Variants in CPEB3 observed in about 807,000 individuals in gnomAD.
The protein encoded by CPEB3 is cytoplasmic polyadenylation element-binding protein 3.
In CPEB3, 20 loss-of-function variants were observed where a neutral mutation model predicts 67.2. That is an observed-to-expected ratio of 0.30 (90% CI 0.21 to 0.43). CPEB3 has a LOEUF of 0.43. Among genes scored for constraint, CPEB3 ranks in the 20% least tolerant of loss-of-function variants. CPEB3 has a pLI of 1.00. For missense variants in CPEB3, 746 were observed against 968.6 expected (o/e 0.77, Z 3.05); for synonymous variants, 376 against 393.1 (o/e 0.96, Z 0.51).
At chr10:92,207,191 C>T (rs1031502103) in intron 2 of CPEB3, among the ~76,000 whole-genome samples, 1 of 152,120 alleles carries the variant, frequency 6.6e-6, no homozygotes, top group South Asian at 2.1e-4. Context: ...CCATGTTGCT[C>T]AGGCTGGTCT....
chr10:92,221,739 A>C (rs973036618), intron 2 of CPEB3, among the ~76,000 whole-genome samples: 1 of 152,120 alleles, frequency 6.6e-6, no homozygotes, highest in African/African-American at 2.4e-5. Context: ...TCCCAGCTAC[A>C]CAGAAGGCTG....
intron 1 of CPEB3, among the ~76,000 whole-genome samples, chr10:92,278,247 G>T (rs142708936): frequency 3.9e-5 from 6 of 152,152 alleles, no homozygotes; most frequent in African/African-American, 7.2e-5. Flanking sequence ...CAAATTTTAG[G>T]ATTAGATTGT....
intron 2 of CPEB3, among the ~76,000 whole-genome samples, chr10:92,214,833 C>T (rs1018696421): frequency 5.9e-5 from 9 of 151,632 alleles, no homozygotes; most frequent in African/African-American, 1.9e-4. Context: ...GCATTCCTAA[C>T]ATCAGTAAAA....
Position 92,207,989 on chromosome 10 carries a change from T to C in CPEB3, c.1006-15353A>G, listed in dbSNP as rs376954156. On this transcript the variant is annotated intron_variant, in intron 2 of 9. Transcript: ENST00000265997. ...CCAAAAATATTTGATAGTCCTGTTG[T>C]TGGCTTAACAAGAGGAGAAAGGACC... 8.1e-4 allele frequency among the ~76,000 whole-genome samples: 124 copies of C among 152,340 alleles called. 1 individual carries two copies. The South Asian group carries it at 9.1e-3, about 11-fold the overall frequency.
intron 2 of CPEB3, among the ~76,000 whole-genome samples, chr10:92,200,152 T>C (rs555198597): frequency 6.6e-6 from 1 of 152,348 alleles, no homozygotes; most frequent in Admixed American, 6.5e-5. Context: ...GGGAAAATTA[T>C]CAGCATCTAC....
intron 2 of CPEB3, among the ~76,000 whole-genome samples, chr10:92,219,277 TTAA>T (rs1368191077): frequency 6.6e-6 from 1 of 152,216 alleles, no homozygotes; most frequent in African/African-American, 2.4e-5. Context: ...TTTTAAATAT[TTAA>T]TTATTGTAAC....
At chr10:92,177,876 G>T (rs1564840384) in intron 4 of CPEB3, among the ~76,000 whole-genome samples, 1 of 152,024 alleles carries the variant, frequency 6.6e-6, no homozygotes, top group Non-Finnish European at 1.5e-5. Flanking sequence ...GGTCAAGAAA[G>T]TAAAAAAAGG....
intron 4 of CPEB3, among the ~76,000 whole-genome samples, chr10:92,168,742 T>C (rs1479298411): frequency 2.6e-5 from 4 of 151,526 alleles, no homozygotes. Context: ...GTAAGTTTCC[T>C]GAGGCCTCCT....
intron 6 of CPEB3, among the ~76,000 whole-genome samples, chr10:92,124,952 TTAGC>T (rs1481913222): frequency 2.0e-5 from 3 of 152,262 alleles, no homozygotes; most frequent in Non-Finnish European, 2.9e-5. Flanking sequence ...CAGGATCTCC[TTAGC>T]TAGCTGGCTT....
intron 7 of CPEB3, among the ~76,000 whole-genome samples, chr10:92,101,627 C>A (rs1405650459): frequency 2.0e-5 from 3 of 152,104 alleles, no homozygotes; most frequent in Non-Finnish European, 4.4e-5. Flanking sequence ...TAGTTTGTGG[C>A]CGGGTGTGAT....
At chr10:92,263,255 T>C (rs936820527) in intron 1 of CPEB3, among the ~76,000 whole-genome samples, 7 of 152,188 alleles carry the variant, frequency 4.6e-5, no homozygotes, top group Non-Finnish European at 5.9e-5. Context: ...TTTGTATTTT[T>C]AGTAGAGATG....
At chr10:92,250,521 C>T (rs1852248363) in intron 1 of CPEB3, among the ~76,000 whole-genome samples, 2 of 152,066 alleles carry the variant, frequency 1.3e-5, no homozygotes, top group African/African-American at 4.8e-5. Context: ...CCTAAGTGTA[C>T]AATGTTTATA....
intron 2 of CPEB3, among the ~76,000 whole-genome samples, chr10:92,215,486 G>A (rs1850316350): frequency 6.7e-6 from 1 of 148,918 alleles, no homozygotes; most frequent in East Asian, 2.0e-4. Context: ...TCTGTCACCA[G>A]GCTGCAGTGC....
At chr10:92,095,391 C>T (rs572820125) in intron 7 of CPEB3, among the ~76,000 whole-genome samples, 1 of 152,154 alleles carries the variant, frequency 6.6e-6, no homozygotes, top group Admixed American at 6.5e-5. Flanking sequence ...AATATCAACA[C>T]ACTCTATATA....
intron 8 of CPEB3, 100 bp downstream of exon 8, chr10:92,091,730 T>C (rs1368999958): frequency 1.3e-5 from 9 of 689,830 alleles, no homozygotes; most frequent in South Asian, 1.2e-4. Context: ...TTGGAGACTA[T>C]GTATAGCTGA....
At chr10:92,257,064 T>C (rs1319356112) in intron 1 of CPEB3, among the ~76,000 whole-genome samples, 2 of 152,228 alleles carry the variant, frequency 1.3e-5, no homozygotes, top group African/African-American at 4.8e-5. Context: ...ATGGATTCTA[T>C]TGCCATAGAA....
intron 2 of CPEB3, among the ~76,000 whole-genome samples, chr10:92,208,945 A>G (rs1849932158): frequency 6.6e-6 from 1 of 152,068 alleles, no homozygotes; most frequent in South Asian, 2.1e-4. Flanking sequence ...TTCCTAGCAT[A>G]TGGCTCTGTC....
intron 8 of CPEB3, among the ~76,000 whole-genome samples, chr10:92,082,491 G>C (rs1230000581): frequency 6.6e-6 from 1 of 152,130 alleles, no homozygotes; most frequent in Non-Finnish European, 1.5e-5. Context: ...TGTTGGCCAG[G>C]CTGGTCTTGA....
At chr10:92,210,803 C>G (rs1286865140) in intron 2 of CPEB3, among the ~76,000 whole-genome samples, 6 of 151,306 alleles carry the variant, frequency 4.0e-5, no homozygotes. Context: ...TTTGGGAGGC[C>G]AAGGCGGGCG....
Sources: allele counts gnomAD v4.1 joint callset (sites outside exome capture counted in the v4.1 genomes callset), GRCh38; gene constraint gnomAD v4.1.1; transcripts MANE v1.5; gene names NCBI Gene and HGNC (gene_info 2026-07-23, HGNC 2026-07-21).